POFUT3: variants seen among roughly 807,000 people sequenced by gnomAD.
POFUT3 encodes the protein GDP-fucose protein O-fucosyltransferase 3.
the POFUT3 span, among the ~76,000 whole-genome samples, chr8:33,383,628 G>T: frequency 2.5e-4 from 38 of 152,006 alleles, no homozygotes; most frequent in Non-Finnish European, 4.7e-4. Flanking sequence ...TTGAAACCCC[G>T]TCTCTACTAA....
the POFUT3 span, among the ~76,000 whole-genome samples, chr8:33,339,402 T>C: frequency 9.9e-5 from 15 of 152,016 alleles, no homozygotes; most frequent in African/African-American, 3.6e-4. Context: ...AGAAAATGGA[T>C]TGAAATAAAT....
chr8:33,371,637 G>T, the POFUT3 span: 1 of 152,154 alleles, frequency 6.6e-6, no homozygotes, highest in South Asian at 2.1e-4. Context: ...TGCTCCAGTA[G>T]ATGCCCCAGA....
At chr8:33,357,804 C>T in the POFUT3 span, among the ~76,000 whole-genome samples, 40 of 152,182 alleles carry the variant, frequency 2.6e-4, no homozygotes, top group African/African-American at 5.1e-4. Flanking sequence ...TCCACTCATA[C>T]GCAGCTGGTC....
chr8:33,469,125 A>C, the POFUT3 span, among the ~76,000 whole-genome samples: 1 of 152,054 alleles, frequency 6.6e-6, no homozygotes, highest in Non-Finnish European at 1.5e-5. Context: ...GGCCAACATG[A>C]CAAAACCCCG....
At chr8:33,444,208 A>G in the POFUT3 span, among the ~76,000 whole-genome samples, 1 of 151,994 alleles carries the variant, frequency 6.6e-6, no homozygotes, top group Non-Finnish European at 1.5e-5. Flanking sequence ...GTCAGAGAGA[A>G]GGAGAGGATG....
chr8:33,328,524 T>C, the POFUT3 span, among the ~76,000 whole-genome samples: 2 of 152,138 alleles, frequency 1.3e-5, no homozygotes, highest in Non-Finnish European at 2.9e-5. Context: ...CTGGACAGTA[T>C]GCAATGAAGA....
chr8:33,309,162 A>T, the POFUT3 span, among the ~76,000 whole-genome samples: 17 of 52,456 alleles, frequency 3.2e-4, no homozygotes, highest in African/African-American at 2.1e-3. Flanking sequence ...AAAAAAAAAA[A>T]AAAAAATATA....
chr8:33,454,704 G>A, the POFUT3 span, among the ~76,000 whole-genome samples: 3 of 144,378 alleles, frequency 2.1e-5, no homozygotes, highest in Admixed American at 7.0e-5. Context: ...ACAGAGTCTC[G>A]CACTGTCACC....
the POFUT3 span, chr8:33,338,799 C>T: frequency 6.6e-6 from 1 of 152,134 alleles, no homozygotes; most frequent in Non-Finnish European, 1.5e-5. Context: ...CACACTTCCC[C>T]TTCTCCTGGA....
chr8:33,399,660 T>TTA, the POFUT3 span, among the ~76,000 whole-genome samples: 288 of 139,034 alleles, frequency 2.1e-3, no homozygotes, highest in African/African-American at 6.0e-3. Context: ...TTTTATTTAT[T>TTA]TGTTTTTTTT....
the POFUT3 span, among the ~76,000 whole-genome samples, chr8:33,411,828 A>G: frequency 2.0e-5 from 3 of 152,204 alleles, no homozygotes; most frequent in Admixed American, 6.5e-5. Flanking sequence ...ATAATCTGCC[A>G]AACCTAGAGG....
At chr8:33,380,017 A>ATATATATAG in the POFUT3 span, among the ~76,000 whole-genome samples, 7 of 50,474 alleles carry the variant, frequency 1.4e-4, 1 homozygote, top group East Asian at 1.3e-3. Context: ...TATATATAGT[A>ATATATATAG]TATATATATA....
chr8:33,405,373 A>G, the POFUT3 span, among the ~76,000 whole-genome samples: 1 of 152,152 alleles, frequency 6.6e-6, no homozygotes, highest in African/African-American at 2.4e-5. Flanking sequence ...TGCCTCATTT[A>G]CTCAGACAAG....
chr8:33,318,598 A>T, the POFUT3 span, among the ~76,000 whole-genome samples: 5 of 98,958 alleles, frequency 5.1e-5, no homozygotes, highest in South Asian at 5.5e-4. Context: ...TATTTATATA[A>T]TATATAAATA....
At chr8:33,444,792 T>C in the POFUT3 span, among the ~76,000 whole-genome samples, 1 of 152,114 alleles carries the variant, frequency 6.6e-6, no homozygotes, top group Non-Finnish European at 1.5e-5. Context: ...CATTCCAGCC[T>C]GGATGACAGA....
At chr8:33,366,150 C>A in the POFUT3 span, among the ~76,000 whole-genome samples, 5 of 152,178 alleles carry the variant, frequency 3.3e-5, no homozygotes, top group African/African-American at 4.8e-5. Flanking sequence ...AGCAAACTAT[C>A]ACAAGGACAG....
the POFUT3 span, among the ~76,000 whole-genome samples, chr8:33,338,314 A>T: frequency 1.3e-5 from 2 of 151,826 alleles, no homozygotes; most frequent in Non-Finnish European, 2.9e-5. Flanking sequence ...AATTCTACCC[A>T]ATTTTTTTTT....
At chr8:33,366,185 C>T in the POFUT3 span, among the ~76,000 whole-genome samples, 1 of 152,186 alleles carries the variant, frequency 6.6e-6, no homozygotes, top group African/African-American at 2.4e-5. Context: ...CATGTTCTCA[C>T]CCATAGGTGG....
At chr8:33,358,432 A>G in the POFUT3 span, among the ~76,000 whole-genome samples, 1 of 152,212 alleles carries the variant, frequency 6.6e-6, no homozygotes, top group South Asian at 2.1e-4. Context: ...AATTGGAAAG[A>G]AAAAAGAAAT....
Sources: allele counts gnomAD v4.1 joint callset (sites outside exome capture counted in the v4.1 genomes callset), GRCh38; gene constraint gnomAD v4.1.1; transcripts MANE v1.5; gene names NCBI Gene and HGNC (gene_info 2026-07-23, HGNC 2026-07-21).